Variants in SETD2 observed in about 807,000 individuals in gnomAD.
SETD2 encodes the protein histone-lysine N-methyltransferase SETD2.
Under a neutral mutation model 242.1 loss-of-function variants are expected in SETD2, and 31 were observed. The observed-to-expected ratio is 0.13, with a 90% confidence interval of 0.10 to 0.17. SETD2 has a LOEUF of 0.17. SETD2 is among the 10% of genes least tolerant of loss of function. SETD2 has a pLI of 1.00. For missense variants in SETD2, 2,481 were observed against 3,046.3 expected, an observed-to-expected ratio of 0.81 and a Z score of 4.37; for synonymous variants, 1,006 against 1,066.5, an observed-to-expected ratio of 0.94 and a Z score of 1.11.
At chr3:47,125,254 G>A (rs928571914) in intron 2 of SETD2, among the ~76,000 whole-genome samples, 4 of 151,958 alleles carry the variant, frequency 2.6e-5, no homozygotes, top group African/African-American at 9.7e-5. Flanking sequence ...CGGAGGCAGA[G>A]GTTGCAGTGA....
intron 7 of SETD2, among the ~76,000 whole-genome samples, chr3:47,102,111 G>C (rs1188594560): frequency 2.0e-5 from 3 of 152,182 alleles, no homozygotes; most frequent in Admixed American, 2.0e-4. Flanking sequence ...ATTAAAATGG[G>C]GGCAGATACA....
intron 5 of SETD2, 62 bp downstream of exon 5, chr3:47,113,814 G>T (rs2107717822): frequency 6.5e-7 from 1 of 1,542,048 alleles, no homozygotes. Flanking sequence ...ACTCCAGTCT[G>T]GGTGAAAGAG....
chr3:47,164,216 A>C (rs901927100), upstream of SETD2, among the ~76,000 whole-genome samples: 9 of 152,048 alleles, frequency 5.9e-5, no homozygotes, highest in African/African-American at 2.2e-4. The surrounding 1 kb of genome is among the most constrained non-coding windows in gnomAD (Gnocchi z 5.4). Flanking sequence ...ATCTGCCGCC[A>C]GTCGGCGTGC....
chr3:47,072,734 A>T lies in SETD2; in HGVS notation c.6061-5616T>A, dbSNP rs376663514. 3.3e-5 allele frequency among the ~76,000 whole-genome samples: 5 copies of T among 152,126 alleles called. No homozygotes were observed. In the South Asian group the frequency reaches 6.2e-4, roughly 19 times the overall value. On this transcript the variant is annotated intron_variant, in intron 12 of 20. Coordinates refer to ENST00000409792, the MANE Select transcript of SETD2 (RefSeq NM_014159.7). ...GACGAGGCAGGCAGATCACGAGGTC[A>T]GGAGATTCAGACCATCCTGGCTAAC...
chr3:47,053,744 C>T (rs2039946384), intron 15 of SETD2, among the ~76,000 whole-genome samples: 3 of 152,180 alleles, frequency 2.0e-5, no homozygotes, highest in Non-Finnish European at 4.4e-5. Flanking sequence ...AACTTCAAGG[C>T]TCCTAGAGGT....
In SETD2 at chr3:47,121,760, A is replaced by G. The variant is rs777321885; in HGVS notation, c.2876T>C (p.Leu959Ser). The G allele has an allele frequency of 1.2e-6, 2 of 1,614,160 alleles. No individual in the cohort carries two copies. The highest frequency in any genetic ancestry group is 1.7e-6 in the Non-Finnish European group (2 of 1,180,012). Reference protein sequence around the residue: ...RRNNGLSGKCLQEAQEEGNSI... With the variant: ...RRNNGLSGKCSQEAQEEGNSI... ...ATTCCCTTCTTCTTGAGCCTCTTGC[A>G]AACATTTCCCAGATAACCCATTATT... Residue 959 changes from leucine (L) to serine (S), a missense_variant, in exon 3 of 21, where the codon TTG becomes TCG. Coordinates refer to ENST00000409792, the MANE Select transcript of SETD2 (RefSeq NM_014159.7).
intron 1 of SETD2, 178 bp downstream of exon 1, chr3:47,163,676 G>A (rs1238178425): frequency 2.2e-6 from 1 of 455,100 alleles, no homozygotes; most frequent in African/African-American, 2.1e-5. Context: ...GCCTGCTGCG[G>A]CCCCGGCCAA....
intron 18 of SETD2, among the ~76,000 whole-genome samples, chr3:47,037,456 T>A (rs910228008): frequency 6.6e-6 from 1 of 152,002 alleles, no homozygotes; most frequent in Non-Finnish European, 1.5e-5. Context: ...ACAAAGGACA[T>A]GAACTCATCA....
In SETD2 at chr3:47,112,375, C is replaced by A. The variant is rs541809449; in HGVS notation, c.4715+1501G>T. On this transcript the variant is annotated intron_variant, in intron 5 of 20. Coordinates refer to ENST00000409792, the MANE Select transcript of SETD2 (RefSeq NM_014159.7). ...CGGCTCACTGCAACCTTCGCTTCCC[C>A]GGTTCAAGAGATTCTCCTGCCTCAG... Among the ~76,000 whole-genome samples, 6 of 151,434 alleles carry A rather than the reference C, an allele frequency of 4.0e-5. No individual in the cohort carries two copies. In the South Asian group the frequency reaches 1.0e-3, roughly 26 times the overall value.
At chr3:47,053,276 C>A (rs749433277) in intron 15 of SETD2, among the ~76,000 whole-genome samples, 1 of 152,134 alleles carries the variant, frequency 6.6e-6, no homozygotes, top group South Asian at 2.1e-4. Context: ...TCTGTTACCA[C>A]CTCTAGAATA....
At chr3:47,088,362 A>C in intron 9 of SETD2, 115 bp from the exon 10 acceptor site, 2 of 987,488 alleles carry the variant, frequency 2.0e-6, no homozygotes, top group Non-Finnish European at 1.5e-6. Flanking sequence ...AATGAAGACC[A>C]AACTGGGAAA....
chr3:47,049,345 A>ATATATG (rs1221844905), intron 15 of SETD2, among the ~76,000 whole-genome samples: 111 of 110,938 alleles, frequency 1.0e-3, no homozygotes, highest in Non-Finnish European at 1.5e-3. Context: ...ATATATATAT[A>ATATATG]TATGTATTCT....
At chr3:47,109,648 G>A (rs1055142683) in intron 5 of SETD2, among the ~76,000 whole-genome samples, 4 of 151,976 alleles carry the variant, frequency 2.6e-5, no homozygotes, top group East Asian at 3.9e-4. Flanking sequence ...ACCCTGTGTC[G>A]GAAAACAACA....
Position 47,122,440 on chromosome 3 carries a change from C to G in SETD2, c.2196G>C (p.Leu732Phe), listed in dbSNP as rs2106678485. ...TCTTATGCAGCATGCAGGTATCATC[C>G]AAGTCTTTTTCTTTGCACCTACTAA... The part of the protein sequence containing the change: ...QNISRCKEKD[L>F]DDTCMLHKKS... The change falls in exon 3 of 21, where the codon TTG becomes TTC. Residue 732 changes from leucine to phenylalanine, a missense_variant. Transcript: ENST00000409792. 6.2e-7 allele frequency: 1 copy of G among 1,614,126 alleles called. No individual in the cohort carries two copies. The highest frequency in any genetic ancestry group is 8.5e-7 in the Non-Finnish European group (1 of 1,180,016).
At chr3:47,066,728 C>T (rs1374441781) in intron 13 of SETD2, among the ~76,000 whole-genome samples, 3 of 145,246 alleles carry the variant, frequency 2.1e-5, no homozygotes, top group Non-Finnish European at 3.0e-5. Context: ...CTATCTGGTG[C>T]GAAGGAAAAA....
At chr3:47,041,199 A>G (rs1322827754) in intron 17 of SETD2, among the ~76,000 whole-genome samples, 1 of 152,242 alleles carries the variant, frequency 6.6e-6, no homozygotes, top group African/African-American at 2.4e-5. Flanking sequence ...AATGGTTTCT[A>G]TCACAACTAC....
chr3:47,119,712 C>A, intron 3 of SETD2: 1 of 428,710 alleles, frequency 2.3e-6, no homozygotes, highest in Non-Finnish European at 4.8e-6. Flanking sequence ...TCTTTTTCTT[C>A]CCAGTCTCGG....
chr3:47,072,709 GA>G (rs768929522), intron 12 of SETD2, among the ~76,000 whole-genome samples: 1 of 152,006 alleles, frequency 6.6e-6, no homozygotes, highest in Non-Finnish European at 1.5e-5. Flanking sequence ...ACTTTGGAAG[GA>G]CGAGGCAGGC....
At chr3:47,087,908 G>A (rs1049425030) in intron 10 of SETD2, among the ~76,000 whole-genome samples, 3 of 152,154 alleles carry the variant, frequency 2.0e-5, no homozygotes, top group Non-Finnish European at 4.4e-5. Context: ...AGAAGTTACA[G>A]TGAACCGAGA....
Sources: gnomAD v4.1 joint callset for allele counts (sites outside exome capture counted in the v4.1 genomes callset) on GRCh38, gnomAD v4.1.1 for gene constraint, Gnocchi (gnomAD v3.1) non-coding constraint, MANE v1.5 for transcripts, NCBI Gene and HGNC (gene_info 2026-07-23, HGNC 2026-07-21) for gene names.